The following MARCHF1 variants were observed in gnomAD, a reference collection of about 807,000 sequenced individuals.
MARCHF1 encodes E3 ubiquitin-protein ligase MARCHF1.
A neutral mutation model predicts 54.2 loss-of-function variants in MARCHF1; 40 were observed. That is an observed-to-expected ratio of 0.74 (90% CI 0.57 to 0.96). MARCHF1 has a LOEUF of 0.96. Ranked by LOEUF, MARCHF1 falls within the 40% of genes least tolerant of loss-of-function variation. The pLI is 0.00. For missense variants in MARCHF1, 586 were observed against 656.5 expected, an observed-to-expected ratio of 0.89 and a Z score of 1.17; for synonymous variants, 236 against 236.3, an observed-to-expected ratio of 1.00 and a Z score of 0.01.
At chr4:163,573,596 AATG>A (rs1739922840) in intron 8 of MARCHF1, among the ~76,000 whole-genome samples, 1 of 151,452 alleles carries the variant, frequency 6.6e-6, no homozygotes, top group Non-Finnish European at 1.5e-5. Flanking sequence ...GTTTACTGAG[AATG>A]ATGATTTCCA....
At chr4:163,932,652 G>C in intron 3 of MARCHF1, 1 of 465,292 alleles carries the variant, frequency 2.1e-6, no homozygotes, top group Admixed American at 2.7e-5. Flanking sequence ...CCTGCTTTCC[G>C]TGGCCTACAT....
chr4:163,621,172 A>G (rs892656152), intron 5 of MARCHF1, among the ~76,000 whole-genome samples: 1 of 152,178 alleles, frequency 6.6e-6, no homozygotes, highest in African/African-American at 2.4e-5. Context: ...AAATACTATA[A>G]TTCTTTTTAC....
intron 1 of MARCHF1, among the ~76,000 whole-genome samples, chr4:164,147,644 G>C (rs1364463883): frequency 2.2e-5 from 3 of 136,656 alleles, no homozygotes; most frequent in Non-Finnish European, 4.7e-5. Context: ...GACACAGGAA[G>C]GGGAACATCA....
rs551513507 is a variant in MARCHF1, at chr4:163,576,562, T to C, written c.1191+9187A>G. Among the ~76,000 whole-genome samples the C allele has an allele frequency of 2.4e-4, 36 of 152,180 alleles. 1 individual carries two copies. Among genetic ancestry groups the C allele is most frequent in the Admixed American group, 2.4e-3 (36 of 15,274 alleles). On this transcript the variant is annotated intron_variant, in intron 8 of 9. Transcript: ENST00000514618. ...TCTGTAGATGTCTATTTGGTCCAAT[T>C]GGTCAAGTGTCAAATGTAAGTCCAG...
At chr4:164,146,699 A>T (rs1013998624) in intron 1 of MARCHF1, among the ~76,000 whole-genome samples, 2 of 152,210 alleles carry the variant, frequency 1.3e-5, no homozygotes, top group African/African-American at 2.4e-5. Flanking sequence ...CTTAAACATT[A>T]GACCTAAAAC....
chr4:163,669,684 T>C (rs1017920039), intron 5 of MARCHF1, among the ~76,000 whole-genome samples: 3 of 151,856 alleles, frequency 2.0e-5, no homozygotes, highest in Non-Finnish European at 4.4e-5. Context: ...CTACAACCTC[T>C]GCCTCCCCAG....
At chr4:163,721,259 AG>A (rs1293537922) in intron 4 of MARCHF1, among the ~76,000 whole-genome samples, 2 of 152,182 alleles carry the variant, frequency 1.3e-5, no homozygotes. Context: ...ATTTTGTCAA[AG>A]GTCTTCTCTG....
chr4:164,234,201 C>T (rs1732487640), intron 1 of MARCHF1, among the ~76,000 whole-genome samples: 1 of 152,026 alleles, frequency 6.6e-6, no homozygotes, highest in African/African-American at 2.4e-5. Flanking sequence ...ATTTAACAAG[C>T]TACAGTTATT....
At chr4:164,321,964 G>C (rs1735153175) in intron 1 of MARCHF1, among the ~76,000 whole-genome samples, 1 of 151,986 alleles carries the variant, frequency 6.6e-6, no homozygotes, top group African/African-American at 2.4e-5. Context: ...TCATGAGAAA[G>C]TCATAGCTAT....
intron 2 of MARCHF1, among the ~76,000 whole-genome samples, chr4:164,012,538 C>G (rs1208770136): frequency 6.6e-6 from 1 of 152,140 alleles, no homozygotes; most frequent in Non-Finnish European, 1.5e-5. Context: ...GCAGCAGCAG[C>G]AGCAGCCAGG....
intron 5 of MARCHF1, among the ~76,000 whole-genome samples, chr4:163,680,494 T>G (rs1422009880): frequency 1.3e-5 from 2 of 152,206 alleles, no homozygotes; most frequent in Non-Finnish European, 2.9e-5. Context: ...CCTAAGCTCT[T>G]TGGGGAATCT....
At chr4:164,098,847 T>C (rs1755472079) in intron 2 of MARCHF1, among the ~76,000 whole-genome samples, 2 of 152,226 alleles carry the variant, frequency 1.3e-5, no homozygotes, top group South Asian at 4.1e-4. Flanking sequence ...ATGACTGTCT[T>C]GTCTTTAGAT....
chr4:163,869,872 C>T lies in MARCHF1; in HGVS notation c.-38-15703G>A, dbSNP rs182781269. Among the ~76,000 whole-genome samples the T allele has an allele frequency of 4.7e-3, 721 of 152,056 alleles. 5 individuals carry two copies. The highest frequency in any genetic ancestry group is 0.012 in the South Asian group (57 of 4,814). On this transcript the variant is annotated intron_variant, in intron 3 of 9. Transcript: ENST00000514618. The stretch of plus-strand genomic sequence containing the variant: ...TTGTCGTTAATATATTGTCCATGAC[C>T]CTGTGTGCATCAAAATCTCAAGCTT...
intron 1 of MARCHF1, among the ~76,000 whole-genome samples, chr4:164,203,797 G>C (rs559255701): frequency 5.3e-5 from 8 of 152,244 alleles, no homozygotes; most frequent in African/African-American, 1.9e-4. Flanking sequence ...CTTGAGAGTA[G>C]ACATCATTGT....
chr4:163,527,661 A>AAAC lies in MARCHF1; in HGVS notation c.*1084_*1086dup, dbSNP rs1022533379. On this transcript the variant is annotated 3_prime_UTR_variant, in exon 10 of 10. Coordinates refer to ENST00000514618, the MANE Select transcript of MARCHF1 (RefSeq NM_001394959.1). ...TGACTTTGAAATAAAAGAATGAATT[A>AAAC]AACTGTTTTGAAATACTCAACAACT... The AAAC allele has an allele frequency of 1.3e-4, 20 of 149,836 alleles. No homozygotes were observed. Among genetic ancestry groups the AAAC allele is most frequent in the Non-Finnish European group, 2.9e-4 (19 of 66,556 alleles). The allele number at this position is 149,836 out of a possible 1,614,324, so 9.3% of individuals were successfully genotyped here. A position where few individuals can be genotyped will look rare whatever the true frequency, so the allele number is the denominator to read the frequency against.
chr4:164,265,036 T>C (rs1409181598), intron 1 of MARCHF1, among the ~76,000 whole-genome samples: 2 of 152,182 alleles, frequency 1.3e-5, no homozygotes, highest in African/African-American at 4.8e-5. Context: ...TGTAATAGCT[T>C]TGTATTTGAA....
intron 4 of MARCHF1, among the ~76,000 whole-genome samples, chr4:163,726,087 C>T (rs1424075125): frequency 1.3e-5 from 2 of 152,156 alleles, no homozygotes; most frequent in Admixed American, 6.5e-5. Context: ...TATCAAAATC[C>T]TGTCCCATTT....
At position 164,140,282 on chromosome 4, in the gene MARCHF1, T is replaced by C. The variant is rs189568581; in HGVS notation, c.-322-28620A>G. Among the ~76,000 whole-genome samples, 13 of 151,266 alleles carry C rather than the reference T, an allele frequency of 8.6e-5. No individual in the cohort carries two copies. The East Asian group carries it at 9.7e-4, about 11-fold the overall frequency. ...AAATGAAACTGACCCAATTGTCCTATAGAATTGATGTTTATCATTTCTTTT... is the reference window on the plus strand; with the variant it reads ...AAATGAAACTGACCCAATTGTCCTACAGAATTGATGTTTATCATTTCTTTT... On this transcript the variant is annotated intron_variant, in intron 1 of 9. Transcript: ENST00000514618.
intron 1 of MARCHF1, among the ~76,000 whole-genome samples, chr4:164,379,367 G>A (rs1356718559): frequency 6.6e-6 from 1 of 152,090 alleles, no homozygotes; most frequent in African/African-American, 2.4e-5. Context: ...AGTACAGGGA[G>A]CATGTTGGGT....
Sources: allele counts gnomAD v4.1 joint callset (sites outside exome capture counted in the v4.1 genomes callset), GRCh38; gene constraint gnomAD v4.1.1; transcripts MANE v1.5; gene names NCBI Gene and HGNC (gene_info 2026-07-23, HGNC 2026-07-21).